RAMP3: variants seen among roughly 807,000 people sequenced by gnomAD.
RAMP3 encodes the protein receptor activity-modifying protein 3.
RAMP3 carries 14 observed loss-of-function variants against 13.5 expected under a neutral mutation model. That is an observed-to-expected ratio of 1.04 (90% CI 0.69 to 1.63). The LOEUF is 1.63. Among genes scored for constraint, RAMP3 ranks in the 40% most tolerant of loss-of-function variants. RAMP3 has a pLI of 0.00. For synonymous variants in RAMP3, 106 were observed against 88.3 expected (o/e 1.20, Z -1.12); for missense variants, 200 against 204.8 (o/e 0.98, Z 0.14).
intron 1 of RAMP3, among the ~76,000 whole-genome samples, chr7:45,170,021 T>C (rs1212183007): frequency 2.0e-5 from 3 of 152,234 alleles, no homozygotes; most frequent in African/African-American, 7.2e-5. Context: ...TAATCTTTTT[T>C]ATTTCTCTAA....
In RAMP3 at chr7:45,183,660, A is replaced by G. The variant is rs12702121; in HGVS notation, c.*248A>G. The G allele has an allele frequency of 0.25, 152,370 of 604,866 alleles. 21,495 individuals are homozygous for G. Among genetic ancestry groups the G allele is most frequent in the African/African-American group, 0.49 (26,217 of 53,982 alleles). The allele number at this position is 604,866 out of a possible 1,614,324, so 37.5% of individuals were successfully genotyped here. A position where few individuals can be genotyped will look rare whatever the true frequency, so the allele number is the denominator to read the frequency against. Reference sequence around the variant, plus strand: ...CAGTGGAGGAAAATGTGATAAGGCCAGAGCTTGTGTGCTGGGCACAGAAAT... The same window carrying G: ...CAGTGGAGGAAAATGTGATAAGGCCGGAGCTTGTGTGCTGGGCACAGAAAT... On this transcript the variant is annotated 3_prime_UTR_variant, in exon 3 of 3. Transcript: ENST00000242249.
intron 1 of RAMP3, among the ~76,000 whole-genome samples, chr7:45,168,734 A>G (rs1248180890): frequency 6.6e-6 from 1 of 152,100 alleles, no homozygotes; most frequent in Non-Finnish European, 1.5e-5. Context: ...AGATAGTTTT[A>G]CTTCTTCCTA....
chr7:45,167,286 A>G (rs1477660505), intron 1 of RAMP3, among the ~76,000 whole-genome samples: 1 of 152,040 alleles, frequency 6.6e-6, no homozygotes, highest in Non-Finnish European at 1.5e-5. Flanking sequence ...ATTTTCGTGT[A>G]TGAGGTGAGA....
intron 1 of RAMP3, among the ~76,000 whole-genome samples, chr7:45,174,144 G>A (rs912411652): frequency 3.9e-5 from 6 of 152,244 alleles, no homozygotes; most frequent in Middle Eastern, 3.4e-3. Flanking sequence ...GGTACCGTGG[G>A]TGAAGACAGC....
chr7:45,159,470 T>C (rs959174680), intron 1 of RAMP3, among the ~76,000 whole-genome samples: 1 of 152,126 alleles, frequency 6.6e-6, no homozygotes, highest in Non-Finnish European at 1.5e-5. Context: ...TGGGGCTTCT[T>C]TGAGAATTCC....
At chr7:45,168,518 T>G (rs550930378) in intron 1 of RAMP3, among the ~76,000 whole-genome samples, 1 of 152,294 alleles carries the variant, frequency 6.6e-6, no homozygotes, top group East Asian at 1.9e-4. Flanking sequence ...TATTTTTGAT[T>G]GTATTGGAAT....
intron 1 of RAMP3, among the ~76,000 whole-genome samples, chr7:45,176,695 G>C (rs983239118): frequency 3.3e-5 from 5 of 152,222 alleles, no homozygotes; most frequent in African/African-American, 1.2e-4. Context: ...GTGGGCAGAG[G>C]TTGGGAAGGG....
chr7:45,163,044 C>T (rs1242526443), intron 1 of RAMP3: 2 of 505,030 alleles, frequency 4.0e-6, no homozygotes, highest in African/African-American at 4.2e-5. Context: ...TGAGTGGAGA[C>T]ACATTGCTTT....
chr7:45,157,905 G>T lies in RAMP3; in HGVS notation c.58+19G>T. 1 of 1,348,166 alleles carries T rather than the reference G, an allele frequency of 7.4e-7. No individual in the cohort carries two copies. The highest frequency in any genetic ancestry group is 3.1e-5 in the East Asian group (1 of 32,260). The allele number at this position is 1,348,166 out of a possible 1,614,324, so 83.5% of individuals were successfully genotyped here. A position where few individuals can be genotyped will look rare whatever the true frequency, so the allele number is the denominator to read the frequency against. ...CTCTGCGGTAAGGGGGCGACGGCCC[G>T]CACCGGGGGCGCCCCCACTCCTCGG... is the stretch of plus-strand genomic sequence containing the variant. On this transcript the variant is annotated intron_variant, in intron 1 of 2. Transcript: ENST00000242249.
Position 45,183,184 on chromosome 7 carries a change from C to A in RAMP3, c.219C>A (p.Thr73=). 1.9e-6 allele frequency: 3 copies of A among 1,612,844 alleles called. No homozygotes were observed. Among genetic ancestry groups the A allele is most frequent in the Non-Finnish European group, 2.5e-6 (3 of 1,180,014 alleles). The part of the protein sequence containing the change: ...IVYYESFTNC[T]EMEANVVGCY... The stretch of plus-strand genomic sequence containing the variant: ...ACTATGAGAGTTTCACCAACTGCAC[C>A]GAGATGGAGGCCAATGTCGTGGGCT... The change falls in exon 3 of 3, where the codon ACC becomes ACA. Residue 73 remains threonine, a synonymous_variant. Transcript: ENST00000242249.
intron 2 of RAMP3, among the ~76,000 whole-genome samples, chr7:45,178,636 G>A (rs1786240841): frequency 6.6e-6 from 1 of 152,246 alleles, no homozygotes. Flanking sequence ...ATTCAGGAAG[G>A]GGTTTTGCAG....
At chr7:45,169,271 T>G (rs1035754439) in intron 1 of RAMP3, among the ~76,000 whole-genome samples, 9 of 152,238 alleles carry the variant, frequency 5.9e-5, no homozygotes, top group African/African-American at 2.2e-4. Flanking sequence ...AAGATTATAC[T>G]GGCTTCAGAG....
intron 1 of RAMP3, among the ~76,000 whole-genome samples, chr7:45,176,137 C>T (rs759748486): frequency 2.0e-5 from 3 of 152,106 alleles, no homozygotes; most frequent in Non-Finnish European, 2.9e-5. Context: ...GCTCAACCTC[C>T]TTGTGAGGTG....
At chr7:45,176,306 A>G (rs1234620883) in intron 1 of RAMP3, among the ~76,000 whole-genome samples, 1 of 152,132 alleles carries the variant, frequency 6.6e-6, no homozygotes, top group Non-Finnish European at 1.5e-5. Flanking sequence ...CCGCCGGAAC[A>G]CAGATGACAG....
intron 2 of RAMP3, 28 bp downstream of exon 2, chr7:45,177,469 T>G: frequency 6.2e-7 from 1 of 1,613,704 alleles, no homozygotes; most frequent in Non-Finnish European, 8.5e-7. Flanking sequence ...GCGTGGGATT[T>G]GCTCTGACCA....
At chr7:45,170,539 G>A (rs2128656784) in intron 1 of RAMP3, among the ~76,000 whole-genome samples, 2 of 152,226 alleles carry the variant, frequency 1.3e-5, no homozygotes, top group Middle Eastern at 6.8e-3. Flanking sequence ...GGGTTTCACT[G>A]TGTTAGCCAG....
At chr7:45,160,070 C>T (rs532211283) in intron 1 of RAMP3, among the ~76,000 whole-genome samples, 5 of 152,020 alleles carry the variant, frequency 3.3e-5, no homozygotes, top group South Asian at 2.1e-4. Flanking sequence ...CGGTGGCTCA[C>T]GCCTGTAATC....
chr7:45,179,392 C>G (rs1786259170), intron 2 of RAMP3, among the ~76,000 whole-genome samples: 1 of 152,046 alleles, frequency 6.6e-6, no homozygotes, highest in South Asian at 2.1e-4. Context: ...CCCTGGAAAT[C>G]TGACCTAAGG....
chr7:45,177,503 C>T, intron 2 of RAMP3, 62 bp downstream of exon 2: 2 of 1,605,568 alleles, frequency 1.2e-6, no homozygotes, highest in South Asian at 1.1e-5. Flanking sequence ...TGCCCAACCA[C>T]TGCCTGACCA....
Sources: allele counts gnomAD v4.1 joint callset (sites outside exome capture counted in the v4.1 genomes callset), GRCh38; gene constraint gnomAD v4.1.1; transcripts MANE v1.5; gene names NCBI Gene and HGNC (gene_info 2026-07-23, HGNC 2026-07-21).